The following MMRN1 variants were observed in gnomAD, a reference collection of about 807,000 sequenced individuals.
MMRN1 encodes the protein multimerin-1.
In MMRN1, 94 loss-of-function variants were observed where a neutral mutation model predicts 100.7. The ratio of observed to expected loss-of-function variants is 0.93; its 90% CI spans 0.79 to 1.11. The LOEUF (loss-of-function observed/expected upper bound fraction) is 1.11. Ranked by LOEUF, MMRN1 falls within the 50% of genes least tolerant of loss-of-function variation. The probability of loss-of-function intolerance (pLI) is 0.00; values close to 1 mark genes in which losing one functional copy is unlikely to be tolerated. For missense variants in MMRN1, 1,606 were observed against 1,439.1 expected (o/e 1.12, Z -1.88); for synonymous variants, 575 against 505.0 (o/e 1.14, Z -1.86).
chr4:89,895,489 G>A lies in MMRN1; in HGVS notation c.518G>A (p.Gly173Asp), dbSNP rs1721171679. The change falls in exon 1 of 8, where the codon GGC (glycine) becomes GAC (aspartate). Residue 173 changes from glycine to aspartate, a missense_variant. Gly to Asp is a moderately conservative substitution (Grantham distance 94). Transcript: ENST00000264790. The part of the protein sequence containing the change: ...GGIGGVGGTG[G>D]VGNRAPRETY... ...ATTGGAGGCGTTGGAGGCACTGGAG[G>A]CGTGGGAAATCGAGCCCCACGGGAA... The A allele has an allele frequency of 2.5e-6, 4 of 1,613,820 alleles. No homozygotes were observed. Among genetic ancestry groups the A allele is most frequent in the Middle Eastern group, 1.7e-4 (1 of 6,060 alleles).
intron 5 of MMRN1, 102 bp from the exon 6 acceptor site, chr4:89,934,708 A>C: frequency 1.7e-6 from 1 of 577,956 alleles, no homozygotes; most frequent in East Asian, 3.2e-5. Flanking sequence ...TATTTTTATT[A>C]TTACGTGTTA....
chr4:89,919,894 T>C (rs965198675), intron 3 of MMRN1, among the ~76,000 whole-genome samples: 3 of 152,142 alleles, frequency 2.0e-5, no homozygotes, highest in Non-Finnish European at 2.9e-5. Context: ...AAATTGAGCA[T>C]CAAACTATTC....
At chr4:89,882,479 T>G (rs1720841214) in intron 1 of MMRN1, among the ~76,000 whole-genome samples, 1 of 151,800 alleles carries the variant, frequency 6.6e-6, no homozygotes, top group Admixed American at 6.6e-5. Context: ...AACTTAAATT[T>G]TAGTTGAACA....
chr4:89,915,259 A>G (rs560594330), intron 3 of MMRN1, among the ~76,000 whole-genome samples: 1 of 151,590 alleles, frequency 6.6e-6, no homozygotes, highest in South Asian at 2.1e-4. Context: ...GAGAAAGAAC[A>G]TTACCTCCTC....
chr4:89,941,096 T>C (rs1348722582), intron 6 of MMRN1, among the ~76,000 whole-genome samples: 1 of 152,214 alleles, frequency 6.6e-6, no homozygotes, highest in Admixed American at 6.6e-5. Context: ...TTCCATATTA[T>C]AAAATATTTT....
chr4:89,946,383 G>A (rs552450433), intron 6 of MMRN1, among the ~76,000 whole-genome samples: 11 of 152,202 alleles, frequency 7.2e-5, no homozygotes, highest in Non-Finnish European at 1.5e-4. Context: ...CAATGTTACT[G>A]TTTACATGAA....
At chr4:89,885,127 C>T (rs1720908233) in intron 1 of MMRN1, among the ~76,000 whole-genome samples, 2 of 150,886 alleles carry the variant, frequency 1.3e-5, no homozygotes, top group African/African-American at 4.9e-5. Context: ...CCTTCCCTCC[C>T]TCCCTCCCTT....
chr4:89,936,387 T>C lies in MMRN1; in HGVS notation c.2707T>C (p.Phe903Leu). The change falls in exon 6 of 8, where the codon TTT becomes CTT. Residue 903 changes from phenylalanine (F) to leucine (L), a missense_variant. Physicochemically the swap from Phe to Leu is conservative, Grantham distance 22. Transcript: ENST00000264790. Reference protein sequence around the residue: ...ALQLQVLNSRFKALEAKSIHL... With the variant: ...ALQLQVLNSRLKALEAKSIHL... ...TCAACTGCAAGTATTAAATTCCAGA[T>C]TTAAGGCGTTGGAAGCAAAATCTAT... The C allele has an allele frequency of 6.2e-7, 1 of 1,609,338 alleles. No individual in the cohort carries two copies. The highest frequency in any genetic ancestry group is 8.5e-7 in the Non-Finnish European group (1 of 1,178,698).
rs1722615796 is a variant in MMRN1, at chr4:89,935,950, A to T, written c.2270A>T (p.Asp757Val). ...AAAGAGACTTTAAGTACTATTAAGG[A>T]TAATAGTGAGATCCATCATAAATGT... ...ALKETLSTIK[D>V]NSEIHHKCTS... Residue 757 changes from aspartate to valine, a missense_variant, in exon 6 of 8, where the codon GAT becomes GTT. Asp to Val is a radical substitution (Grantham distance 152, BLOSUM62 -3). Coordinates refer to ENST00000264790, the MANE Select transcript of MMRN1 (RefSeq NM_007351.3). The T allele has an allele frequency of 6.2e-7, 1 of 1,609,198 alleles. No homozygotes were observed. The highest frequency in any genetic ancestry group is 8.5e-7 in the Non-Finnish European group (1 of 1,176,098).
rs59821773 is a variant in MMRN1, at chr4:89,889,460, T to C, written c.-248-5264T>C. Among the ~76,000 whole-genome samples the C allele has an allele frequency of 2.6e-4, 40 of 152,222 alleles. 1 individual carries two copies. The East Asian group carries it at 5.8e-3, about 22-fold the overall frequency. On this transcript the variant is annotated intron_variant, in intron 1 of 8. Transcript: ENST00000394980. ...CCTTATCAAAGGGACCAGGCATAGT[T>C]CCTGCTTATCCCTGAGTAGTAGGTT...
At chr4:89,907,582 A>G (rs1721608434) in intron 1 of MMRN1, among the ~76,000 whole-genome samples, 1 of 151,138 alleles carries the variant, frequency 6.6e-6, no homozygotes, top group Non-Finnish European at 1.5e-5. Context: ...ATTCTGCCCA[A>G]TCTTAGGACC....
intron 2 of MMRN1, among the ~76,000 whole-genome samples, chr4:89,910,172 C>T (rs1721703765): frequency 6.6e-6 from 1 of 151,250 alleles, no homozygotes; most frequent in Non-Finnish European, 1.5e-5. Flanking sequence ...TTTCTTAGTC[C>T]CTTGAGGAAT....
At chr4:89,932,754 G>T (rs1197890360) in intron 5 of MMRN1, among the ~76,000 whole-genome samples, 1 of 152,112 alleles carries the variant, frequency 6.6e-6, no homozygotes, top group African/African-American at 2.4e-5. Flanking sequence ...GCACAAAGCA[G>T]CAAGGCCCCC....
chr4:89,912,766 A>G (rs1005709356), intron 3 of MMRN1, among the ~76,000 whole-genome samples: 1 of 151,326 alleles, frequency 6.6e-6, no homozygotes, highest in African/African-American at 2.4e-5. Context: ...CAACAGTATA[A>G]GAGACTGTGA....
chr4:89,895,072 A>G lies in MMRN1; in HGVS notation c.101A>G (p.Asn34Ser), dbSNP rs1376851890. Residue 34 changes from asparagine to serine, a missense_variant, in exon 1 of 8, where the codon AAC (asparagine) becomes AGC (serine). Transcript: ENST00000264790. ...KHSWTIPEDG[N>S]SQKTMPSASV... ...TCTTGGACTATACCTGAGGATGGGA[A>G]CTCTCAGAAGACTATGCCTTCTGCT... The G allele has an allele frequency of 1.2e-6, 2 of 1,613,764 alleles. No individual in the cohort carries two copies. The highest frequency in any genetic ancestry group is 2.7e-5 in the African/African-American group (2 of 74,892).
At chr4:89,897,671 C>T (rs1243558212) in intron 1 of MMRN1, among the ~76,000 whole-genome samples, 1 of 152,060 alleles carries the variant, frequency 6.6e-6, no homozygotes, top group South Asian at 2.1e-4. Context: ...TAAATAAATG[C>T]TAGTTGTGTT....
intron 6 of MMRN1, among the ~76,000 whole-genome samples, chr4:89,944,026 C>T (rs1387684222): frequency 6.6e-6 from 1 of 151,638 alleles, no homozygotes; most frequent in Non-Finnish European, 1.5e-5. Context: ...TAGAGCAGTG[C>T]AATGTTCTGT....
At chr4:89,918,812 A>G (rs1391794113) in intron 3 of MMRN1, among the ~76,000 whole-genome samples, 1 of 151,846 alleles carries the variant, frequency 6.6e-6, no homozygotes, top group African/African-American at 2.4e-5. Flanking sequence ...TTTCACATAC[A>G]CAAATTTTGT....
chr4:89,924,443 A>G (rs1722181462), intron 4 of MMRN1, among the ~76,000 whole-genome samples: 1 of 152,014 alleles, frequency 6.6e-6, no homozygotes, highest in South Asian at 2.1e-4. Flanking sequence ...ATAGTCTTGT[A>G]TTTTCAAATG....
Sources: allele counts gnomAD v4.1 joint callset (sites outside exome capture counted in the v4.1 genomes callset), GRCh38; gene constraint gnomAD v4.1.1; transcripts MANE v1.5; gene names NCBI Gene and HGNC (gene_info 2026-07-23, HGNC 2026-07-21).